The following BRINP3 variants were observed in gnomAD, a reference collection of about 807,000 sequenced individuals.
The protein encoded by BRINP3 is BMP/retinoic acid inducible neural specific 3.
BRINP3 carries 19 observed loss-of-function variants against 71.0 expected under a neutral mutation model. The observed-to-expected ratio is 0.27, with a 90% CI of 0.19 to 0.39. The LOEUF (loss-of-function observed/expected upper bound fraction) is 0.39. Ranked by LOEUF, BRINP3 falls within the 10% of genes least tolerant of loss-of-function variation. The pLI is 1.00. For synonymous variants in BRINP3, 380 were observed against 337.7 expected (o/e 1.13, Z -1.37); for missense variants, 959 against 940.8 (o/e 1.02, Z -0.25).
At chr1:190,336,596 G>A (rs951031850) in intron 2 of BRINP3, among the ~76,000 whole-genome samples, 3 of 151,964 alleles carry the variant, frequency 2.0e-5, no homozygotes, top group Non-Finnish European at 2.9e-5. Flanking sequence ...CACTATGTAT[G>A]TTATTTACAC....
chr1:190,266,221 A>C (rs1354607764), intron 3 of BRINP3, among the ~76,000 whole-genome samples: 1 of 152,184 alleles, frequency 6.6e-6, no homozygotes, highest in Non-Finnish European at 1.5e-5. Context: ...CACTTTTATG[A>C]AAAGGCAAAT....
intron 7 of BRINP3, among the ~76,000 whole-genome samples, chr1:190,142,454 C>T (rs1655533202): frequency 6.6e-6 from 1 of 151,952 alleles, no homozygotes; most frequent in African/African-American, 2.4e-5. Flanking sequence ...TTTGCTTTTG[C>T]GCTGGCATTG....
At chr1:190,127,675 C>T (rs1402971745) in intron 7 of BRINP3, among the ~76,000 whole-genome samples, 2 of 151,820 alleles carry the variant, frequency 1.3e-5, no homozygotes, top group Admixed American at 1.3e-4. Flanking sequence ...GTTGTCACTT[C>T]TGGAAGAAAG....
chr1:190,259,286 A>G (rs1322138189), intron 4 of BRINP3, among the ~76,000 whole-genome samples: 1 of 151,436 alleles, frequency 6.6e-6, no homozygotes, highest in Non-Finnish European at 1.5e-5. Context: ...AAAGAAATAT[A>G]CACATTGACC....
intron 4 of BRINP3, among the ~76,000 whole-genome samples, chr1:190,260,407 T>C (rs1216679941): frequency 1.3e-5 from 2 of 152,126 alleles, no homozygotes; most frequent in African/African-American, 4.8e-5. Context: ...AACACTATGT[T>C]GTACACCCTA....
Position 190,111,328 on chromosome 1 carries a change from TTATATA to T in BRINP3, c.1185-12200_1185-12195del, listed in dbSNP as rs1215504079. On this transcript the variant is annotated intron_variant, in intron 7 of 7. Coordinates refer to ENST00000367462, the MANE Select transcript of BRINP3 (RefSeq NM_199051.3). ...TCTTTTTTTAATTAGTAGGTCATCT[TTATATA>T]TATTGAAGTGTTACGGTATCTGGTT... Among the ~76,000 whole-genome samples the T allele has an allele frequency of 7.9e-5, 12 of 152,066 alleles. No individual in the cohort carries two copies. In the East Asian group the frequency reaches 2.3e-3, roughly 29 times the overall value.
At chr1:190,377,642 A>G (rs1487560003) in intron 2 of BRINP3, among the ~76,000 whole-genome samples, 1 of 149,662 alleles carries the variant, frequency 6.7e-6, no homozygotes, top group Non-Finnish European at 1.5e-5. Flanking sequence ...ACACAAGTAC[A>G]CACATACACA....
intron 2 of BRINP3, among the ~76,000 whole-genome samples, chr1:190,386,152 G>A (rs1045113455): frequency 6.7e-6 from 1 of 148,508 alleles, no homozygotes; most frequent in East Asian, 2.0e-4. Context: ...AGTGGTTGCA[G>A]CGCACCAGCA....
intron 3 of BRINP3, among the ~76,000 whole-genome samples, chr1:190,268,053 C>G (rs988088368): frequency 6.6e-6 from 1 of 151,914 alleles, no homozygotes; most frequent in African/African-American, 2.4e-5. Flanking sequence ...CAATATCCAA[C>G]AGTAACTATT....
chr1:190,383,579 G>A (rs368591402), intron 2 of BRINP3, among the ~76,000 whole-genome samples: 3 of 152,068 alleles, frequency 2.0e-5, no homozygotes, highest in South Asian at 2.1e-4. Context: ...GCTAATATGC[G>A]AAATGAAACA....
chr1:190,122,158 T>C (rs1653720398), intron 7 of BRINP3, among the ~76,000 whole-genome samples: 2 of 152,168 alleles, frequency 1.3e-5, no homozygotes, highest in South Asian at 2.1e-4. Flanking sequence ...TTTAGTATCA[T>C]TTTCTGCCAT....
intron 4 of BRINP3, among the ~76,000 whole-genome samples, chr1:190,248,454 G>T (rs936268837): frequency 1.1e-4 from 17 of 151,490 alleles, no homozygotes; most frequent in East Asian, 9.8e-4. Context: ...TGTGCCACCT[G>T]CCCATTAAGA....
chr1:190,454,711 G>A lies in BRINP3; in HGVS notation c.180C>T (p.Tyr60=). The A allele has an allele frequency of 6.2e-7, 1 of 1,614,078 alleles. No individual in the cohort carries two copies. The highest frequency in any genetic ancestry group is 8.5e-7 in the Non-Finnish European group (1 of 1,180,016). The part of the protein sequence containing the change: ...DKGPFHRSQE[Y]TDFVDRSRQG... Reference sequence around the variant, plus strand: ...GCCGGCTTCTGTCCACAAAATCTGTGTATTCCTGTGAGCGATGGAAGGGTC... The same window carrying A: ...GCCGGCTTCTGTCCACAAAATCTGTATATTCCTGTGAGCGATGGAAGGGTC... The change falls in exon 2 of 8, where the codon TAC becomes TAT. Residue 60 remains tyrosine (Y), a synonymous_variant. Coordinates refer to ENST00000367462, the MANE Select transcript of BRINP3 (RefSeq NM_199051.3).
chr1:190,341,011 C>G (rs1242224540), intron 2 of BRINP3, among the ~76,000 whole-genome samples: 4 of 151,652 alleles, frequency 2.6e-5, no homozygotes, highest in Admixed American at 1.3e-4. Flanking sequence ...TTGAGTAGAA[C>G]TTATATTCAT....
At chr1:190,207,078 T>C (rs976880999) in intron 6 of BRINP3, among the ~76,000 whole-genome samples, 3 of 152,040 alleles carry the variant, frequency 2.0e-5, no homozygotes, top group Middle Eastern at 3.4e-3. Flanking sequence ...TGTTATTTCT[T>C]ACACTCTTCA....
intron 2 of BRINP3, among the ~76,000 whole-genome samples, chr1:190,358,314 GA>G (rs568964630): frequency 6.6e-6 from 1 of 151,936 alleles, no homozygotes; most frequent in East Asian, 1.9e-4. Flanking sequence ...AAATTTACAA[GA>G]AAAAAAGCAA....
In BRINP3 at chr1:190,349,022, C is replaced by T. The variant is rs1026380255; in HGVS notation, c.237-67272G>A. ...GAACTTATACATTGAGTTCATAAAA[C>T]GTAGTAGCTGAGCTTATGGAAGCAT... On this transcript the variant is annotated intron_variant, in intron 2 of 7. Coordinates refer to ENST00000367462, the MANE Select transcript of BRINP3 (RefSeq NM_199051.3). Among the ~76,000 whole-genome samples, 3 of 152,048 alleles carry T rather than the reference C, an allele frequency of 2.0e-5. 1 individual carries two copies. The highest frequency in any genetic ancestry group is 4.4e-5 in the Non-Finnish European group (3 of 68,014).
chr1:190,260,996 G>A (rs534472879), intron 4 of BRINP3, among the ~76,000 whole-genome samples: 1 of 151,734 alleles, frequency 6.6e-6, no homozygotes, highest in African/African-American at 2.4e-5. Flanking sequence ...AATTATTTTT[G>A]AAAATAATTA....
chr1:190,229,683 CACACACAA>C (rs1361388137), intron 5 of BRINP3, among the ~76,000 whole-genome samples: 9 of 150,564 alleles, frequency 6.0e-5, no homozygotes, highest in Non-Finnish European at 5.9e-5. Flanking sequence ...CACACACACA[CACACACAA>C]AGAAACCACT....
Sources: gnomAD v4.1 joint callset for allele counts (sites outside exome capture counted in the v4.1 genomes callset) on GRCh38, gnomAD v4.1.1 for gene constraint, MANE v1.5 for transcripts, NCBI Gene and HGNC (gene_info 2026-07-23, HGNC 2026-07-21) for gene names.